Variants in MAML2 observed in about 807,000 individuals in gnomAD.
MAML2 encodes the protein mastermind like transcriptional coactivator 2.
A neutral mutation model predicts 96.1 loss-of-function variants in MAML2; 22 were observed. The ratio of observed to expected loss-of-function variants is 0.23; its 90% confidence interval spans 0.16 to 0.33. The LOEUF (loss-of-function observed/expected upper bound fraction) is 0.33, where lower values mean the gene tolerates loss of function less well. Ranked by LOEUF, MAML2 falls within the 10% of genes least tolerant of loss-of-function variation. The pLI is 1.00. For missense variants in MAML2, 1,367 were observed against 1,392.4 expected (o/e 0.98, Z 0.29); for synonymous variants, 561 against 521.3 (o/e 1.08, Z -1.04).
chr11:96,323,404 G>A (rs1591132538), intron 1 of MAML2, among the ~76,000 whole-genome samples: 1 of 151,476 alleles, frequency 6.6e-6, no homozygotes, highest in Admixed American at 6.6e-5. Context: ...TTCCATGTAA[G>A]AGGTGCTTAG....
intron 1 of MAML2, among the ~76,000 whole-genome samples, chr11:96,144,981 T>A (rs909434175): frequency 1.3e-5 from 2 of 152,238 alleles, no homozygotes; most frequent in Admixed American, 6.5e-5. Context: ...TTCTCAGTGC[T>A]ATGGAATCTT....
chr11:96,157,784 C>T (rs117729780), intron 1 of MAML2, among the ~76,000 whole-genome samples: 2,110 of 152,252 alleles, frequency 0.014, 23 homozygotes, highest in Middle Eastern at 0.054. Context: ...CAAAAGATTT[C>T]CATGGCCAGA....
chr11:96,064,606 A>T (rs1859217709), intron 2 of MAML2, among the ~76,000 whole-genome samples: 1 of 152,252 alleles, frequency 6.6e-6, no homozygotes, highest in Non-Finnish European at 1.5e-5. Flanking sequence ...CTTTTCTACG[A>T]ATAATAAAGT....
intron 1 of MAML2, among the ~76,000 whole-genome samples, chr11:96,191,637 T>C (rs1168973425): frequency 6.6e-6 from 1 of 151,376 alleles, no homozygotes; most frequent in Non-Finnish European, 1.5e-5. Flanking sequence ...CCGGGCATGG[T>C]GGCGGGCGCC....
At chr11:96,297,109 T>G (rs993245883) in intron 1 of MAML2, among the ~76,000 whole-genome samples, 2 of 152,022 alleles carry the variant, frequency 1.3e-5, no homozygotes, top group South Asian at 4.1e-4. Flanking sequence ...CACTTCAGCT[T>G]GGGAAAGGCT....
intron 1 of MAML2, among the ~76,000 whole-genome samples, chr11:96,172,165 G>A (rs577841360): frequency 1.8e-4 from 27 of 152,198 alleles, no homozygotes; most frequent in Non-Finnish European, 3.4e-4. Flanking sequence ...CATAGTTGGT[G>A]CTCAATAAAT....
At chr11:96,195,220 CAG>C (rs1315374336) in intron 1 of MAML2, among the ~76,000 whole-genome samples, 2 of 152,112 alleles carry the variant, frequency 1.3e-5, no homozygotes, top group Non-Finnish European at 2.9e-5. Context: ...AAAAGAAAAA[CAG>C]TGTCACTCTC....
chr11:96,263,282 C>T (rs977330638), intron 1 of MAML2, among the ~76,000 whole-genome samples: 3 of 152,176 alleles, frequency 2.0e-5, no homozygotes, highest in African/African-American at 7.2e-5. Flanking sequence ...AAAAGCAGGA[C>T]TGAGATCTGT....
chr11:96,264,338 A>G (rs1175103256), intron 1 of MAML2, among the ~76,000 whole-genome samples: 2 of 152,220 alleles, frequency 1.3e-5, no homozygotes, highest in Non-Finnish European at 2.9e-5. Context: ...TGACTTTTGC[A>G]TGCTGCTGGA....
At chr11:96,129,519 T>C (rs1860509478) in intron 1 of MAML2, among the ~76,000 whole-genome samples, 1 of 152,000 alleles carries the variant, frequency 6.6e-6, no homozygotes, top group Admixed American at 6.5e-5. Flanking sequence ...CTTTTGAAAA[T>C]ACCAACACCT....
chr11:96,074,025 C>A (rs1362604816), intron 2 of MAML2, among the ~76,000 whole-genome samples: 1 of 152,100 alleles, frequency 6.6e-6, no homozygotes, highest in South Asian at 2.1e-4. Context: ...CGTCTCAATG[C>A]TTTCAGGCTA....
At chr11:96,245,919 G>A (rs973362457) in intron 1 of MAML2, among the ~76,000 whole-genome samples, 1 of 151,998 alleles carries the variant, frequency 6.6e-6, no homozygotes, top group Admixed American at 6.6e-5. Flanking sequence ...TGGTCAGCCT[G>A]GTTTCGAACT....
chr11:96,074,903 T>C (rs1859410109), intron 2 of MAML2, among the ~76,000 whole-genome samples: 1 of 152,178 alleles, frequency 6.6e-6, no homozygotes, highest in Non-Finnish European at 1.5e-5. Flanking sequence ...GTGGGAGTAC[T>C]GGAGGGCAGG....
chr11:96,049,281 T>C (rs1039069440), intron 2 of MAML2, among the ~76,000 whole-genome samples: 2 of 152,248 alleles, frequency 1.3e-5, no homozygotes, highest in South Asian at 4.1e-4. Flanking sequence ...AACTCCATTT[T>C]AGAATAGGTA....
chr11:96,042,115 T>A (rs1858823130), intron 2 of MAML2, among the ~76,000 whole-genome samples: 1 of 152,136 alleles, frequency 6.6e-6, no homozygotes, highest in African/African-American at 2.4e-5. Context: ...TGGCTGGGAC[T>A]ACAGGCGCCC....
chr11:96,027,051 A>G (rs1858535804), intron 2 of MAML2, among the ~76,000 whole-genome samples: 1 of 152,156 alleles, frequency 6.6e-6, no homozygotes, highest in East Asian at 1.9e-4. Context: ...TACCTACAGG[A>G]AGTACAGGAT....
At chr11:96,147,925 C>A (rs1565228870) in intron 1 of MAML2, among the ~76,000 whole-genome samples, 1 of 152,168 alleles carries the variant, frequency 6.6e-6, no homozygotes, top group South Asian at 2.1e-4. Flanking sequence ...CTAGTCACAT[C>A]ACCTGCCACT....
At chr11:96,300,246 C>T (rs1010585183) in intron 1 of MAML2, among the ~76,000 whole-genome samples, 3 of 152,118 alleles carry the variant, frequency 2.0e-5, no homozygotes, top group African/African-American at 7.2e-5. Context: ...AAAGAAATAG[C>T]CGGAGTGTTG....
At chr11:96,272,748 C>A (rs1862934769) in intron 1 of MAML2, among the ~76,000 whole-genome samples, 2 of 152,200 alleles carry the variant, frequency 1.3e-5, no homozygotes, top group Admixed American at 1.3e-4. Context: ...AAAACAGTTT[C>A]ATTTACTTAA....
Sources: gnomAD v4.1 joint callset for allele counts (sites outside exome capture counted in the v4.1 genomes callset) on GRCh38, gnomAD v4.1.1 for gene constraint, MANE v1.5 for transcripts, NCBI Gene and HGNC (gene_info 2026-07-23, HGNC 2026-07-21) for gene names.